The following RERG variants were observed in gnomAD, a reference collection of about 807,000 sequenced individuals.
RERG encodes the protein ras-related and estrogen-regulated growth inhibitor.
In RERG, 25 loss-of-function variants were observed where a neutral mutation model predicts 23.2. The observed-to-expected ratio is 1.08, with a 90% CI of 0.79 to 1.50. The LOEUF is 1.50. Ranked by LOEUF, RERG falls within the 40% of genes most tolerant of loss-of-function variation. RERG has a pLI of 0.00. For synonymous variants in RERG, 81 were observed against 89.1 expected (o/e 0.91, Z 0.51); for missense variants, 253 against 250.1 (o/e 1.01, Z -0.08).
chr12:15,143,905 A>T (rs1864285323), intron 2 of RERG, among the ~76,000 whole-genome samples: 1 of 152,148 alleles, frequency 6.6e-6, no homozygotes, highest in Admixed American at 6.5e-5. Context: ...TGAGCCATCC[A>T]TGTATCTGGG....
At chr12:15,124,091 A>G (rs527356594) in intron 2 of RERG, among the ~76,000 whole-genome samples, 2 of 152,188 alleles carry the variant, frequency 1.3e-5, no homozygotes, top group African/African-American at 2.4e-5. Context: ...GTTTCTAACA[A>G]AATGGAAAAT....
chr12:15,177,909 T>C (rs1864874274), intron 2 of RERG, among the ~76,000 whole-genome samples: 1 of 151,236 alleles, frequency 6.6e-6, no homozygotes, highest in South Asian at 2.1e-4. Context: ...AAGGATATTA[T>C]ACTTTTCTAT....
At chr12:15,192,344 C>T (rs1865083558) in intron 2 of RERG, among the ~76,000 whole-genome samples, 1 of 152,092 alleles carries the variant, frequency 6.6e-6, no homozygotes, top group Admixed American at 6.6e-5. Flanking sequence ...GAATCATCAG[C>T]CAATTAAACC....
At chr12:15,213,839 A>C (rs1223409539) in intron 2 of RERG, among the ~76,000 whole-genome samples, 1 of 152,212 alleles carries the variant, frequency 6.6e-6, no homozygotes, top group African/African-American at 2.4e-5. Context: ...GCACTTTCAA[A>C]TTTAAAAGTG....
intron 4 of RERG, among the ~76,000 whole-genome samples, chr12:15,110,254 C>A (rs1331656568): frequency 6.6e-6 from 1 of 151,998 alleles, no homozygotes; most frequent in Non-Finnish European, 1.5e-5. Flanking sequence ...GCATGCACCT[C>A]CCTGCTGCCT....
chr12:15,122,560 C>G (rs1049094953), intron 2 of RERG, among the ~76,000 whole-genome samples: 1 of 152,194 alleles, frequency 6.6e-6, no homozygotes, highest in African/African-American at 2.4e-5. Flanking sequence ...CCTAAAGTAG[C>G]AAGGCCACTG....
In RERG at chr12:15,113,436, G is replaced by T. The variant is rs572952888; in HGVS notation, c.119-2019C>A. Among the ~76,000 whole-genome samples the T allele has an allele frequency of 4.1e-4, 62 of 152,060 alleles. No individual in the cohort carries two copies. In the Middle Eastern group the frequency reaches 0.014, roughly 33 times the overall value. ...AGAGAGACAATGCAATTAAAACTTG[G>T]CATTAAAAGAAGAAATTGTACATTC... is the stretch of plus-strand genomic sequence containing the variant. On this transcript the variant is annotated intron_variant, in intron 3 of 4. Transcript: ENST00000256953.
intron 2 of RERG, among the ~76,000 whole-genome samples, chr12:15,150,954 G>A (rs1864430931): frequency 6.6e-6 from 1 of 152,166 alleles, no homozygotes; most frequent in Admixed American, 6.6e-5. Context: ...TACCTAATTT[G>A]AGACAGAAAA....
chr12:15,168,055 C>T (rs1313184155), intron 2 of RERG, among the ~76,000 whole-genome samples: 1 of 152,124 alleles, frequency 6.6e-6, no homozygotes, highest in Non-Finnish European at 1.5e-5. Context: ...AGGCTTTTCA[C>T]CTTTTTGTTG....
intron 2 of RERG, among the ~76,000 whole-genome samples, chr12:15,194,542 C>G (rs910580703): frequency 6.6e-5 from 10 of 151,440 alleles, no homozygotes; most frequent in Admixed American, 6.6e-4. Flanking sequence ...AATGAAATCT[C>G]TATTATGAAT....
chr12:15,195,551 C>CTG (rs71042238), intron 2 of RERG, among the ~76,000 whole-genome samples: 13,758 of 128,012 alleles, frequency 0.11, 571 homozygotes, highest in South Asian at 0.12. Context: ...GCAAGCTTGG[C>CTG]TGTGTGTGTG....
At chr12:15,149,834 A>G (rs746160053) in intron 2 of RERG, among the ~76,000 whole-genome samples, 5 of 151,932 alleles carry the variant, frequency 3.3e-5, no homozygotes, top group Non-Finnish European at 7.4e-5. Flanking sequence ...CTGTTCATAA[A>G]TGGTGTCTAG....
chr12:15,129,805 C>T (rs1463030296), intron 2 of RERG, among the ~76,000 whole-genome samples: 2 of 152,022 alleles, frequency 1.3e-5, no homozygotes, highest in African/African-American at 4.8e-5. Context: ...CTATGTCACA[C>T]TAAGGAGCTT....
intron 3 of RERG, among the ~76,000 whole-genome samples, chr12:15,119,845 A>G (rs941050093): frequency 6.6e-6 from 1 of 152,224 alleles, no homozygotes; most frequent in African/African-American, 2.4e-5. Context: ...ATATTATTAC[A>G]GAGTTTCTAA....
chr12:15,174,261 G>GA (rs1158302535), intron 2 of RERG, among the ~76,000 whole-genome samples: 1 of 151,412 alleles, frequency 6.6e-6, no homozygotes, highest in Non-Finnish European at 1.5e-5. Context: ...GTAATTTGAG[G>GA]AAAAAAAATA....
chr12:15,167,200 A>G (rs1466734736), intron 2 of RERG, among the ~76,000 whole-genome samples: 3 of 152,188 alleles, frequency 2.0e-5, no homozygotes, highest in African/African-American at 7.2e-5. Flanking sequence ...AATGTCCCAG[A>G]CACTAGACTT....
At chr12:15,167,812 C>A (rs1036040633) in intron 2 of RERG, among the ~76,000 whole-genome samples, 1 of 152,090 alleles carries the variant, frequency 6.6e-6, no homozygotes. Flanking sequence ...TTGGATGAGT[C>A]ATTTTTCCCA....
At chr12:15,187,320 C>T (rs1283069428) in intron 2 of RERG, among the ~76,000 whole-genome samples, 2 of 152,192 alleles carry the variant, frequency 1.3e-5, no homozygotes, top group East Asian at 3.9e-4. Context: ...CTTAGCACAT[C>T]CAAAGTCTAA....
intron 3 of RERG, chr12:15,114,445 A>G (rs771896831): frequency 2.6e-5 from 4 of 152,212 alleles, no homozygotes; most frequent in Non-Finnish European, 5.9e-5. Context: ...AGAAATTCAC[A>G]TAGGAGGATG....
Sources: gnomAD v4.1 joint callset for allele counts (sites outside exome capture counted in the v4.1 genomes callset) on GRCh38, gnomAD v4.1.1 for gene constraint, MANE v1.5 for transcripts, NCBI Gene and HGNC (gene_info 2026-07-23, HGNC 2026-07-21) for gene names.